Variants in CDH7 observed in about 807,000 individuals in gnomAD.
CDH7 encodes the protein cadherin-7.
In CDH7, 25 loss-of-function variants were observed where a neutral mutation model predicts 71.8. The observed-to-expected ratio is 0.35, with a 90% CI of 0.25 to 0.49. The LOEUF (loss-of-function observed/expected upper bound fraction) is 0.49, where lower values mean the gene tolerates loss of function less well. Among genes scored for constraint, CDH7 ranks in the 20% least tolerant of loss-of-function variants. CDH7 has a pLI of 0.99. For synonymous variants in CDH7, 381 were observed against 363.8 expected (o/e 1.05, Z -0.54); for missense variants, 862 against 974.6 (o/e 0.88, Z 1.54).
intron 2 of CDH7, among the ~76,000 whole-genome samples, chr18:65,769,339 C>T (rs757889925): frequency 1.1e-4 from 16 of 152,248 alleles, no homozygotes; most frequent in Admixed American, 2.0e-4. Context: ...TAGCAATTTT[C>T]TTGTTATTTT....
intron 2 of CDH7, among the ~76,000 whole-genome samples, chr18:65,780,919 T>TTG (rs1491557924): frequency 2.2e-5 from 1 of 45,432 alleles, no homozygotes; most frequent in East Asian, 5.4e-4. Context: ...TCTATTCCTG[T>TTG]TTTTTTTTTT....
intron 2 of CDH7, among the ~76,000 whole-genome samples, chr18:65,781,866 C>G (rs1269023691): frequency 2.5e-4 from 15 of 59,744 alleles, no homozygotes; most frequent in African/African-American, 1.4e-3. Context: ...TTCTTTCTTT[C>G]TCTCTCTCTC....
intron 11 of CDH7, among the ~76,000 whole-genome samples, chr18:65,878,942 A>C (rs1354846537): frequency 6.6e-6 from 1 of 152,192 alleles, no homozygotes; most frequent in African/African-American, 2.4e-5. Context: ...AGTGCCACAA[A>C]AAAACAATTG....
chr18:65,772,254 T>G (rs1376650293), intron 2 of CDH7, among the ~76,000 whole-genome samples: 1 of 152,186 alleles, frequency 6.6e-6, no homozygotes, highest in Non-Finnish European at 1.5e-5. Flanking sequence ...GGGTCCATAT[T>G]GGAGTGGAAT....
chr18:65,772,517 T>C (rs1410894621), intron 2 of CDH7, among the ~76,000 whole-genome samples: 1 of 152,182 alleles, frequency 6.6e-6, no homozygotes, highest in Non-Finnish European at 1.5e-5. Context: ...TCATTGCGAT[T>C]TGATTTAATT....
intron 7 of CDH7, among the ~76,000 whole-genome samples, chr18:65,853,361 A>C (rs1189966857): frequency 6.7e-6 from 1 of 148,176 alleles, no homozygotes; most frequent in Non-Finnish European, 1.5e-5. Context: ...TTCCTTTCAG[A>C]CTTCTTTTAG....
intron 2 of CDH7, chr18:65,803,417 A>G (rs1314619051): frequency 6.6e-6 from 1 of 152,164 alleles, no homozygotes. Flanking sequence ...CACTTCCTGA[A>G]TTATGTCTCT....
At chr18:65,854,411 A>G (rs1913274766) in intron 7 of CDH7, among the ~76,000 whole-genome samples, 1 of 152,218 alleles carries the variant, frequency 6.6e-6, no homozygotes, top group Non-Finnish European at 1.5e-5. Context: ...CAAAACAGAT[A>G]GAGTCCTAGG....
chr18:65,863,133 G>A, intron 11 of CDH7: 1 of 586,020 alleles, frequency 1.7e-6, no homozygotes, highest in Non-Finnish European at 3.0e-6. Flanking sequence ...TGCCTCCCAG[G>A]TTCAAGCAAT....
At chr18:65,854,814 T>A (rs1435092086) in intron 7 of CDH7, among the ~76,000 whole-genome samples, 3 of 152,098 alleles carry the variant, frequency 2.0e-5, no homozygotes, top group Non-Finnish European at 4.4e-5. Context: ...TTATCAAACA[T>A]TAATATCAGT....
At chr18:65,856,734 TAA>T (rs1913371291) in intron 7 of CDH7, among the ~76,000 whole-genome samples, 4 of 150,152 alleles carry the variant, frequency 2.7e-5, no homozygotes, top group South Asian at 4.3e-4. Context: ...TTTGTTCGTT[TAA>T]TTGTTTGTTT....
chr18:65,868,443 C>G (rs1278430148), intron 11 of CDH7, among the ~76,000 whole-genome samples: 1 of 152,160 alleles, frequency 6.6e-6, no homozygotes, highest in African/African-American at 2.4e-5. Flanking sequence ...GGAAGCCTGC[C>G]TCCTAAATGT....
chr18:65,849,433 C>T (rs112261191), intron 7 of CDH7, among the ~76,000 whole-genome samples: 10 of 128,748 alleles, frequency 7.8e-5, no homozygotes, highest in Non-Finnish European at 1.1e-4. Flanking sequence ...TCTTTCTTTT[C>T]TTTCCTTTTC....
chr18:65,871,751 A>G (rs2144056005), intron 11 of CDH7, among the ~76,000 whole-genome samples: 1 of 152,320 alleles, frequency 6.6e-6, no homozygotes, highest in East Asian at 1.9e-4. Context: ...GTTATCAGTA[A>G]AGGAAGTGGT....
chr18:65,773,762 G>A (rs939379958), intron 2 of CDH7, among the ~76,000 whole-genome samples: 12 of 152,050 alleles, frequency 7.9e-5, no homozygotes, highest in African/African-American at 2.7e-4. Flanking sequence ...TCCAATCCAA[G>A]CGTAATATCT....
In CDH7 at chr18:65,884,800, T is replaced by G. The variant is rs1381351427; in HGVS notation, c.*3906T>G. The stretch of plus-strand genomic sequence containing the variant: ...GCTGTAAATATTAATCTTCAGATTT[T>G]CAATTTAACATGTATTCACTTACAA... On this transcript the variant is annotated 3_prime_UTR_variant, in exon 12 of 12. Transcript: ENST00000397968. 1 of 152,246 alleles carries G rather than the reference T, an allele frequency of 6.6e-6. No individual in the cohort carries two copies. The highest frequency in any genetic ancestry group is 2.4e-5 in the African/African-American group (1 of 41,476). The allele number at this position is 152,246 out of a possible 1,614,324, so 9.4% of individuals were successfully genotyped here.
At chr18:65,767,028 C>T (rs1916395603) in intron 2 of CDH7, among the ~76,000 whole-genome samples, 1 of 150,938 alleles carries the variant, frequency 6.6e-6, no homozygotes, top group South Asian at 2.1e-4. Flanking sequence ...ATTACTTTCA[C>T]TGAAATGTGT....
At chr18:65,775,326 C>G (rs1598994423) in intron 2 of CDH7, among the ~76,000 whole-genome samples, 1 of 152,066 alleles carries the variant, frequency 6.6e-6, no homozygotes, top group African/African-American at 2.4e-5. Context: ...CGCTTAATTT[C>G]TGTAAAATGG....
At position 65,886,217 on chromosome 18, in the gene CDH7, T is replaced by C. The variant is rs1051862802; in HGVS notation, c.*5323T>C. On this transcript the variant is annotated 3_prime_UTR_variant, in exon 12 of 12. Transcript: ENST00000397968. ...AAAGACTGTGTAAACAGTAAAACAC[T>C]ATAAAAAGATAAAGCTTTATTATGG... is the stretch of plus-strand genomic sequence containing the variant. The C allele has an allele frequency of 6.6e-6, 1 of 152,170 alleles. No homozygotes were observed. The highest frequency in any genetic ancestry group is 2.4e-5 in the African/African-American group (1 of 41,450). The allele number at this position is 152,170 out of a possible 1,614,324, so 9.4% of individuals were successfully genotyped here. A position where few individuals can be genotyped will look rare whatever the true frequency, so the allele number is the denominator to read the frequency against.
Sources: allele counts gnomAD v4.1 joint callset (sites outside exome capture counted in the v4.1 genomes callset), GRCh38; gene constraint gnomAD v4.1.1; transcripts MANE v1.5; gene names NCBI Gene and HGNC (gene_info 2026-07-23, HGNC 2026-07-21).